The following BAIAP2L1 variants were observed in gnomAD, a reference collection of about 807,000 sequenced individuals.
BAIAP2L1 encodes the protein BAR/IMD domain containing adaptor protein 2 like 1, also known as BAR/IMD domain-containing adapter protein 2-like 1.
A neutral mutation model predicts 66.3 loss-of-function variants in BAIAP2L1; 35 were observed. That is an observed-to-expected ratio of 0.53 (90% CI 0.40 to 0.70). The LOEUF is 0.70. Among genes scored for constraint, BAIAP2L1 ranks in the 30% least tolerant of loss-of-function variants. The probability of loss-of-function intolerance (pLI) is 0.00; values close to 1 mark genes in which losing one functional copy is unlikely to be tolerated. For missense variants in BAIAP2L1, 622 were observed against 656.9 expected (o/e 0.95, Z 0.58); for synonymous variants, 269 against 248.7 (o/e 1.08, Z -0.77).
At position 98,397,451 on chromosome 7, in the gene BAIAP2L1, A is replaced by C. The variant is rs1274471226; in HGVS notation, c.51+3351T>G. Among the ~76,000 whole-genome samples, 5 of 150,070 alleles carry C rather than the reference A, an allele frequency of 3.3e-5. No homozygotes were observed. In the East Asian group the frequency reaches 9.9e-4, roughly 30 times the overall value. Reference sequence around the variant, plus strand: ...GCGATTATCCTGCCTCAGCCTCCCGAGTAGCTGGGACTACAGGCACGCGCC... The same window carrying C: ...GCGATTATCCTGCCTCAGCCTCCCGCGTAGCTGGGACTACAGGCACGCGCC... On this transcript the variant is annotated intron_variant, in intron 1 of 13. Coordinates refer to ENST00000005260, the MANE Select transcript of BAIAP2L1 (RefSeq NM_018842.5).
intron 1 of BAIAP2L1, among the ~76,000 whole-genome samples, chr7:98,385,387 T>C (rs1337026683): frequency 6.6e-6 from 1 of 152,146 alleles, no homozygotes; most frequent in Non-Finnish European, 1.5e-5. Context: ...GTTTAAATTC[T>C]TTACTTTTAT....
At position 98,307,724 on chromosome 7, in the gene BAIAP2L1, A is replaced by C; in HGVS notation, c.1128T>G (p.Asp376Glu). Reference protein sequence around the residue: ...VITLLIPEEKDGWLYGEHDVS... With the variant: ...VITLLIPEEKEGWLYGEHDVS... ...CGTCGTGTTCTCCATAGAGCCAGCC[A>C]TCCTTCTCCTCGGGGATGAGCAGCG... Residue 376 changes from aspartate to glutamate, a missense_variant, in exon 10 of 14, where the codon GAT becomes GAG. Physicochemically the swap from Asp to Glu is conservative, Grantham distance 45. Transcript: ENST00000005260. 1.2e-6 allele frequency: 2 copies of C among 1,614,238 alleles called. No homozygotes were observed. The highest frequency in any genetic ancestry group is 1.7e-6 in the Non-Finnish European group (2 of 1,180,048).
chr7:98,293,923 G>C, intron 13 of BAIAP2L1, 151 bp downstream of exon 13: 2 of 908,632 alleles, frequency 2.2e-6, no homozygotes, highest in South Asian at 3.2e-5. Flanking sequence ...AGTTGGTAAA[G>C]CGAGCAGGGG....
At chr7:98,294,368 C>T (rs900920188) in intron 12 of BAIAP2L1, among the ~76,000 whole-genome samples, 1 of 152,178 alleles carries the variant, frequency 6.6e-6, no homozygotes, top group South Asian at 2.1e-4. Flanking sequence ...TGCCCTGTCC[C>T]AATCTGTTAG....
chr7:98,307,552 TAACTA>T, intron 10 of BAIAP2L1, 132 bp downstream of exon 10: 2 of 1,466,382 alleles, frequency 1.4e-6, no homozygotes, highest in Middle Eastern at 2.5e-4. Flanking sequence ...TAACTTCAGT[TAACTA>T]AACTAGAACT....
intron 3 of BAIAP2L1, among the ~76,000 whole-genome samples, chr7:98,351,583 A>G (rs1298014628): frequency 6.6e-6 from 1 of 152,060 alleles, no homozygotes; most frequent in East Asian, 1.9e-4. Flanking sequence ...GAGAGAGAGG[A>G]TGTGATGGTT....
At chr7:98,304,599 G>C (rs7802794) in intron 11 of BAIAP2L1, among the ~76,000 whole-genome samples, 57,135 of 151,974 alleles carry the variant, frequency 0.38, 12,291 homozygotes, top group Middle Eastern at 0.54. Context: ...CCAGGCTGGA[G>C]TGCAATGACA....
Position 98,304,310 on chromosome 7 carries a change from T to TG in BAIAP2L1, c.1307dup (p.Pro437ThrfsTer27), listed in dbSNP as rs1405664842. 6.2e-7 allele frequency: 1 copy of TG among 1,613,018 alleles called. No homozygotes were observed. Among genetic ancestry groups the TG allele is most frequent in the African/African-American group, 1.3e-5 (1 of 74,858 alleles). The stretch of plus-strand genomic sequence containing the variant: ...TGGACAAGCATTCCAAGTAGTCGGG[T>TG]GGGGGGATGACAACACTGCTATTCT... On this transcript the variant is annotated frameshift_variant, in exon 12 of 14. Coordinates refer to ENST00000005260, the MANE Select transcript of BAIAP2L1 (RefSeq NM_018842.5). LOFTEE classifies it high-confidence loss of function.
intron 3 of BAIAP2L1, chr7:98,323,153 G>A: frequency 6.6e-6 from 1 of 152,182 alleles, no homozygotes; most frequent in East Asian, 1.9e-4. Flanking sequence ...TTCCAGAACG[G>A]GGCATGAGAA....
chr7:98,343,254 C>T (rs936755976), intron 3 of BAIAP2L1, among the ~76,000 whole-genome samples: 1 of 130,812 alleles, frequency 7.6e-6, no homozygotes, highest in Non-Finnish European at 1.8e-5. Context: ...AAAATACACA[C>T]ACACACACAC....
chr7:98,306,387 G>A (rs768288557), intron 11 of BAIAP2L1, 52 bp downstream of exon 11: 25 of 1,598,966 alleles, frequency 1.6e-5, no homozygotes, highest in African/African-American at 4.0e-5. Flanking sequence ...TTACAGAAAC[G>A]ACAAGGCAGG....
At chr7:98,305,834 G>A (rs1352937195) in intron 11 of BAIAP2L1, among the ~76,000 whole-genome samples, 1 of 152,178 alleles carries the variant, frequency 6.6e-6, no homozygotes, top group Non-Finnish European at 1.5e-5. Context: ...ACTACTGTTA[G>A]TATCTGATCT....
intron 8 of BAIAP2L1, 54 bp downstream of exon 8, chr7:98,312,043 A>C: frequency 6.6e-7 from 1 of 1,524,902 alleles, no homozygotes; most frequent in Non-Finnish European, 8.8e-7. Context: ...AATTTGGCCC[A>C]GATCAAGTTA....
chr7:98,292,712 A>AC lies in BAIAP2L1; in HGVS notation c.*808dup. The AC allele has an allele frequency of 6.4e-7, 1 of 1,551,512 alleles. No individual in the cohort carries two copies. The highest frequency in any genetic ancestry group is 8.7e-7 in the Non-Finnish European group (1 of 1,146,968). ...CTGATTCAAACACGGAGAAACCAGG[A>AC]CCCCGAGCAGTTTGAGTGTACTGGT... On this transcript the variant is annotated 3_prime_UTR_variant, in exon 14 of 14. Transcript: ENST00000005260.
rs78868579 is a variant in BAIAP2L1, at chr7:98,333,116, C to T, written c.215-12818G>A. Among the ~76,000 whole-genome samples the T allele has an allele frequency of 7.7e-3, 1,177 of 152,276 alleles. 10 individuals are homozygous for T. Among genetic ancestry groups the T allele is most frequent in the Non-Finnish European group, 0.012 (829 of 68,012 alleles). ...GCAGTGCACGTCCCTGACCACCCTA[C>T]CTAAAACAGCTGCATCCCACCCCTT... On this transcript the variant is annotated intron_variant, in intron 3 of 13. Coordinates refer to ENST00000005260, the MANE Select transcript of BAIAP2L1 (RefSeq NM_018842.5).
chr7:98,399,467 T>C (rs1803296960), intron 1 of BAIAP2L1, among the ~76,000 whole-genome samples: 1 of 152,224 alleles, frequency 6.6e-6, no homozygotes, highest in African/African-American at 2.4e-5. Context: ...AAATTTTAGG[T>C]TTAAAAAAGT....
At chr7:98,300,875 T>C (rs1327950488) in intron 12 of BAIAP2L1, among the ~76,000 whole-genome samples, 1 of 152,052 alleles carries the variant, frequency 6.6e-6, no homozygotes, top group Admixed American at 6.5e-5. Context: ...AGGCCTTGTG[T>C]TTTTGCCGAA....
intron 1 of BAIAP2L1, among the ~76,000 whole-genome samples, chr7:98,396,231 G>A (rs80244318): frequency 0.055 from 8,421 of 151,858 alleles, 287 homozygotes; most frequent in South Asian, 0.13. Context: ...CACCACACCC[G>A]GCTAATTTTT....
At chr7:98,395,134 CAAAGAAAG>C (rs1042756765) in intron 1 of BAIAP2L1, among the ~76,000 whole-genome samples, 26 of 150,966 alleles carry the variant, frequency 1.7e-4, no homozygotes, top group African/African-American at 5.1e-4. Flanking sequence ...AAAACAAAAC[CAAAGAAAG>C]AAAGAAAATA....
Sources: gnomAD v4.1 joint callset for allele counts (sites outside exome capture counted in the v4.1 genomes callset) on GRCh38, gnomAD v4.1.1 for gene constraint, MANE v1.5 for transcripts, NCBI Gene and HGNC (gene_info 2026-07-23, HGNC 2026-07-21) for gene names.